CHN1: variants seen among roughly 807,000 people sequenced by gnomAD.
The protein encoded by CHN1 is chimerin 1, also known as N-chimaerin.
A neutral mutation model predicts 59.5 loss-of-function variants in CHN1; 37 were observed. The observed-to-expected ratio is 0.62, with a 90% CI of 0.48 to 0.82. CHN1 has a LOEUF of 0.82. Ranked by LOEUF, CHN1 falls within the 40% of genes least tolerant of loss-of-function variation. The pLI is 0.00. For missense variants in CHN1, 469 were observed against 571.0 expected (o/e 0.82, Z 1.82); for synonymous variants, 206 against 200.4 (o/e 1.03, Z -0.24).
At chr2:174,989,187 C>A (rs1691456934) in intron 1 of CHN1, among the ~76,000 whole-genome samples, 1 of 151,024 alleles carries the variant, frequency 6.6e-6, no homozygotes, top group Non-Finnish European at 1.5e-5. Context: ...ACCAGCCTGG[C>A]CAACATGGTG....
rs1400435368 is a variant in CHN1, at chr2:174,799,106, TTTAG to T, written c.*1006_*1009del. ...CAAATGTTTAGAAGAAGTTACTCTT[TTTAG>T]TTAGCCTCTTTCTTCTTCTGAGAGC... On this transcript the variant is annotated 3_prime_UTR_variant, in exon 13 of 13. Coordinates refer to ENST00000409900, the MANE Select transcript of CHN1 (RefSeq NM_001822.7). 2.0e-5 allele frequency among the ~76,000 whole-genome samples: 3 copies of T among 152,258 alleles called. No homozygotes were observed. Among genetic ancestry groups the T allele is most frequent in the African/African-American group, 4.8e-5 (2 of 41,468 alleles).
chr2:174,799,405 C>A lies in CHN1; in HGVS notation c.*711G>T. On this transcript the variant is annotated 3_prime_UTR_variant, in exon 13 of 13. Transcript: ENST00000409900. ...AGTAAGCTATCAATATTTTTTATTT[C>A]TAAAAGCCAATTTAATAAATTAATA... The A allele has an allele frequency of 2.3e-6, 1 of 441,326 alleles. No individual in the cohort carries two copies. The highest frequency in any genetic ancestry group is 4.3e-6 in the Non-Finnish European group (1 of 232,960). 27.3% of individuals were successfully genotyped at this position (441,326 alleles called of 1,614,324 possible).
At chr2:174,872,050 G>A (rs899842642) in intron 6 of CHN1, among the ~76,000 whole-genome samples, 1 of 152,156 alleles carries the variant, frequency 6.6e-6, no homozygotes, top group African/African-American at 2.4e-5. Flanking sequence ...AGGAGGCGGA[G>A]GTGGGTAGAT....
At chr2:174,886,734 A>C (rs1670648359) in intron 5 of CHN1, among the ~76,000 whole-genome samples, 1 of 152,194 alleles carries the variant, frequency 6.6e-6, no homozygotes, top group African/African-American at 2.4e-5. Context: ...ATGAGCAGAC[A>C]CAGGCCTAAA....
intron 5 of CHN1, among the ~76,000 whole-genome samples, chr2:174,900,211 C>T (rs1688343928): frequency 6.6e-6 from 1 of 152,082 alleles, no homozygotes; most frequent in South Asian, 2.1e-4. Flanking sequence ...ACTACCAAGG[C>T]CAGGGGCAGT....
intron 6 of CHN1, among the ~76,000 whole-genome samples, chr2:174,850,306 A>C (rs1373771917): frequency 6.6e-6 from 1 of 152,206 alleles, no homozygotes; most frequent in East Asian, 1.9e-4. Flanking sequence ...ACACAAAAAA[A>C]GGTTCAATAT....
chr2:174,925,292 C>T lies in CHN1; in HGVS notation c.115-6727G>A, dbSNP rs182153247. 4.4e-3 allele frequency among the ~76,000 whole-genome samples: 676 copies of T among 152,288 alleles called. 5 individuals carry two copies. Among genetic ancestry groups the T allele is most frequent in the African/African-American group, 0.015 (637 of 41,566 alleles). ...AATAGAGATTATAAGGCTGACAACA[C>T]AGACTGTGGCAATAAGATACCAAAT... On this transcript the variant is annotated intron_variant, in intron 3 of 12. Transcript: ENST00000409900.
intron 5 of CHN1, among the ~76,000 whole-genome samples, chr2:174,896,060 T>G (rs994134578): frequency 2.6e-5 from 4 of 152,036 alleles, no homozygotes; most frequent in Non-Finnish European, 5.9e-5. Flanking sequence ...ATTTTGGGCT[T>G]CAATTTTTTT....
At chr2:174,946,354 T>C (rs1468340529) in intron 2 of CHN1, among the ~76,000 whole-genome samples, 8 of 152,140 alleles carry the variant, frequency 5.3e-5, no homozygotes, top group African/African-American at 1.9e-4. Flanking sequence ...CACTAAAACA[T>C]AGTATCAGGG....
chr2:174,813,842 G>T (rs988418196), intron 8 of CHN1, among the ~76,000 whole-genome samples: 1 of 152,150 alleles, frequency 6.6e-6, no homozygotes, highest in African/African-American at 2.4e-5. Context: ...GCAGAAAGAC[G>T]ATCCTAATAT....
chr2:174,845,227 G>GGTTTTTGCT (rs745920706), intron 7 of CHN1, among the ~76,000 whole-genome samples: 2 of 152,152 alleles, frequency 1.3e-5, no homozygotes, highest in Admixed American at 6.6e-5. Context: ...ATTCTTAGTA[G>GGTTTTTGCT]GTTTTTGCTG....
In CHN1 at chr2:175,005,033, G is replaced by A. The variant is rs1253228226; in HGVS notation, c.-121C>T. 4 of 1,416,012 alleles carry A rather than the reference G, an allele frequency of 2.8e-6. No homozygotes were observed. In the Admixed American group the frequency reaches 8.2e-5, roughly 29 times the overall value. The allele number at this position is 1,416,012 out of a possible 1,614,324, so 87.7% of individuals were successfully genotyped here. ...AGTGGGGTGCCCGATGGGGCGTGCTGGGGGCGCCGGCGCCCGGGGAGGCTG... is the reference window on the plus strand; with the variant it reads ...AGTGGGGTGCCCGATGGGGCGTGCTAGGGGCGCCGGCGCCCGGGGAGGCTG... On this transcript the variant is annotated 5_prime_UTR_variant, in exon 1 of 13. Transcript: ENST00000409900.
chr2:174,946,900 T>TAAAA (rs34155510), intron 2 of CHN1, among the ~76,000 whole-genome samples: 4 of 100,218 alleles, frequency 4.0e-5, no homozygotes, highest in Admixed American at 1.1e-4. Context: ...CTAAAAAATG[T>TAAAA]AAAAAAAAAA....
Position 174,917,960 on chromosome 2 carries a change from A to G in CHN1, c.146+574T>C, listed in dbSNP as rs1020650266. On this transcript the variant is annotated intron_variant, in intron 4 of 12. Transcript: ENST00000409900. ...TTTTTCACAAAACAGAAAAATGCTC[A>G]TTGTCAATTTTAAATGGAACAATCA... is the stretch of plus-strand genomic sequence containing the variant. Among the ~76,000 whole-genome samples, 4 of 152,250 alleles carry G rather than the reference A, an allele frequency of 2.6e-5. 1 individual carries two copies. Among genetic ancestry groups the G allele is most frequent in the African/African-American group, 9.6e-5 (4 of 41,574 alleles).
At chr2:174,994,710 G>T (rs1428587246) in intron 1 of CHN1, among the ~76,000 whole-genome samples, 1 of 152,188 alleles carries the variant, frequency 6.6e-6, no homozygotes, top group African/African-American at 2.4e-5. Flanking sequence ...TGAGGGCAAA[G>T]AAGGGATAGG....
chr2:174,981,471 T>C (rs1337018404), intron 1 of CHN1, among the ~76,000 whole-genome samples: 1 of 152,220 alleles, frequency 6.6e-6, no homozygotes, highest in Non-Finnish European at 1.5e-5. Flanking sequence ...CTATTTTTCA[T>C]ATGACAAAGC....
intron 8 of CHN1, among the ~76,000 whole-genome samples, chr2:174,823,980 C>A (rs6745869): frequency 0.054 from 8,175 of 152,178 alleles, 738 homozygotes; most frequent in African/African-American, 0.19. Context: ...ATTTTTAAAG[C>A]TTCAATTTGA....
chr2:174,902,224 T>C (rs2105357482), intron 5 of CHN1, among the ~76,000 whole-genome samples: 1 of 152,308 alleles, frequency 6.6e-6, no homozygotes, highest in African/African-American at 2.4e-5. Context: ...CAGTTCAATT[T>C]GCAACACATT....
chr2:174,829,873 C>T (rs1005184897), intron 7 of CHN1, among the ~76,000 whole-genome samples: 1 of 152,066 alleles, frequency 6.6e-6, no homozygotes, highest in Non-Finnish European at 1.5e-5. Flanking sequence ...TTTTTCTTCC[C>T]TCATTTTTAT....
Sources: allele counts gnomAD v4.1 joint callset (sites outside exome capture counted in the v4.1 genomes callset), GRCh38; gene constraint gnomAD v4.1.1; transcripts MANE v1.5; gene names NCBI Gene and HGNC (gene_info 2026-07-23, HGNC 2026-07-21).